Variants in ALPK2 observed in about 807,000 individuals in gnomAD.
The protein encoded by ALPK2 is alpha-protein kinase 2.
A neutral mutation model predicts 163.1 loss-of-function variants in ALPK2; 127 were observed. That is an observed-to-expected ratio of 0.78 (90% CI 0.67 to 0.90). The LOEUF is 0.90. ALPK2 is among the 40% of genes least tolerant of loss of function. The pLI is 0.00. For missense variants in ALPK2, 2,360 were observed against 2,589.6 expected, an observed-to-expected ratio of 0.91 and a Z score of 1.92; for synonymous variants, 953 against 959.1, an observed-to-expected ratio of 0.99 and a Z score of 0.12.
chr18:58,526,273 G>A (rs966602779), intron 6 of ALPK2, among the ~76,000 whole-genome samples: 25 of 152,302 alleles, frequency 1.6e-4, no homozygotes, highest in African/African-American at 6.0e-4. Context: ...TGGCTGCAGG[G>A]AGAGGGTACT....
At position 58,537,789 on chromosome 18, in the gene ALPK2, C is replaced by T. The variant is rs1256444108; in HGVS notation, c.2398G>A (p.Ala800Thr). 5 of 1,614,044 alleles carry T rather than the reference C, an allele frequency of 3.1e-6. No homozygotes were observed. The Admixed American group carries it at 6.7e-5, about 22-fold the overall frequency. The part of the protein sequence containing the change: ...NVCDEPRDRE[A>T]VCAMECFEAG... ...TCAAAACACTCCATTGCACACACTG[C>T]TTCTCTGTCCCTTGGCTCATCACAC... Residue 800 changes from alanine to threonine, a missense_variant, in exon 5 of 13, where the codon GCA (alanine) becomes ACA (threonine). Physicochemically the swap from Ala to Thr is moderately conservative, Grantham distance 58 (BLOSUM62 0). Coordinates refer to ENST00000361673, the MANE Select transcript of ALPK2 (RefSeq NM_052947.4).
chr18:58,517,243 TCCACATGG>T, intron 8 of ALPK2, 61 bp from the exon 9 acceptor site: 1 of 1,548,582 alleles, frequency 6.5e-7, no homozygotes, highest in South Asian at 1.2e-5. Context: ...CTTGGCTAAC[TCCACATGG>T]GGAGGGTCCC....
At chr18:58,533,065 G>T (rs1005173533) in intron 5 of ALPK2, among the ~76,000 whole-genome samples, 1 of 152,182 alleles carries the variant, frequency 6.6e-6, no homozygotes, top group Non-Finnish European at 1.5e-5. Flanking sequence ...TCTCTACCCC[G>T]TAGTCTCCGG....
chr18:58,554,293 G>A (rs1398985156), intron 4 of ALPK2, among the ~76,000 whole-genome samples: 1 of 152,094 alleles, frequency 6.6e-6, no homozygotes, highest in Admixed American at 6.5e-5. Context: ...GACAAAGGCA[G>A]TCTGCCCAGC....
At chr18:58,522,069 AAT>A (rs1354578091) in intron 8 of ALPK2, among the ~76,000 whole-genome samples, 1 of 152,196 alleles carries the variant, frequency 6.6e-6, no homozygotes, top group Non-Finnish European at 1.5e-5. Flanking sequence ...ACATGCAGTA[AAT>A]CTTTAAGATG....
intron 1 of ALPK2, among the ~76,000 whole-genome samples, chr18:58,623,198 G>A (rs1009540364): frequency 6.6e-6 from 1 of 151,998 alleles, no homozygotes; most frequent in Non-Finnish European, 1.5e-5. Flanking sequence ...TGTCTTAGGG[G>A]AACACTTTTC....
At chr18:58,486,592 ATC>A (rs1426770319) in intron 12 of ALPK2, among the ~76,000 whole-genome samples, 3 of 152,120 alleles carry the variant, frequency 2.0e-5, no homozygotes, top group Non-Finnish European at 4.4e-5. Flanking sequence ...ATTTCTGAAC[ATC>A]TCTTTCTCTA....
At chr18:58,492,033 C>G (rs1274372173) in intron 12 of ALPK2, among the ~76,000 whole-genome samples, 1 of 152,220 alleles carries the variant, frequency 6.6e-6, no homozygotes, top group African/African-American at 2.4e-5. Flanking sequence ...TTGACAAACT[C>G]TGAATCCTCA....
rs1602195795 is a variant in ALPK2 at position 58,515,091 on chromosome 18, C to G, written c.5941-10G>C. The G allele has an allele frequency of 6.2e-7, 1 of 1,602,434 alleles. No individual in the cohort carries two copies. The highest frequency in any genetic ancestry group is 2.2e-5 in the East Asian group (1 of 44,480). ...TTTGAACATAGCATTCCTATATCGC[C>G]AAAATACATAGAAAGCCCCAGTGAC... On this transcript the variant is annotated splice_polypyrimidine_tract_variant and intron_variant, in intron 9 of 12. Coordinates refer to ENST00000361673, the MANE Select transcript of ALPK2 (RefSeq NM_052947.4).
chr18:58,484,207 G>C (rs1317039133), intron 12 of ALPK2, among the ~76,000 whole-genome samples: 1 of 152,112 alleles, frequency 6.6e-6, no homozygotes, highest in Non-Finnish European at 1.5e-5. Flanking sequence ...GTGTTGACCT[G>C]TATCAGTGCT....
chr18:58,528,742 T>C (rs2144138034), intron 6 of ALPK2: 1 of 240,124 alleles, frequency 4.2e-6, no homozygotes, highest in African/African-American at 2.3e-5. Context: ...CAAGTTAAAT[T>C]CACAGACATA....
At chr18:58,482,986 G>T (rs981901696) in intron 12 of ALPK2, among the ~76,000 whole-genome samples, 1 of 152,124 alleles carries the variant, frequency 6.6e-6, no homozygotes, top group Non-Finnish European at 1.5e-5. Context: ...AGGTCTTCCT[G>T]CCAGCCACCA....
chr18:58,485,779 C>G (rs1047882424), intron 12 of ALPK2, among the ~76,000 whole-genome samples: 3 of 143,404 alleles, frequency 2.1e-5, no homozygotes, highest in Non-Finnish European at 4.7e-5. Context: ...TTAATCCCAC[C>G]TGCCACTGGG....
chr18:58,610,777 C>T (rs1049954688), intron 2 of ALPK2, among the ~76,000 whole-genome samples: 1 of 151,402 alleles, frequency 6.6e-6, no homozygotes, highest in African/African-American at 2.4e-5. Context: ...CCCCCCTCCC[C>T]CCGTCCCTAT....
At chr18:58,488,830 T>C (rs1479287608) in intron 12 of ALPK2, among the ~76,000 whole-genome samples, 1 of 151,966 alleles carries the variant, frequency 6.6e-6, no homozygotes, top group Non-Finnish European at 1.5e-5. Context: ...TAGGCTCCGG[T>C]AGAACGGATT....
chr18:58,619,694 A>T (rs1422278556), intron 1 of ALPK2, among the ~76,000 whole-genome samples: 1 of 152,200 alleles, frequency 6.6e-6, no homozygotes, highest in African/African-American at 2.4e-5. Flanking sequence ...TGTAAAATTG[A>T]GTACTGGCAG....
At chr18:58,619,205 C>A (rs1329471996) in intron 1 of ALPK2, among the ~76,000 whole-genome samples, 1 of 152,194 alleles carries the variant, frequency 6.6e-6, no homozygotes, top group Admixed American at 6.5e-5. Flanking sequence ...TGTGTGTCAG[C>A]CCCAAGGCTG....
intron 9 of ALPK2, among the ~76,000 whole-genome samples, chr18:58,516,141 G>T (rs192197976): frequency 1.3e-5 from 2 of 152,026 alleles, no homozygotes; most frequent in East Asian, 1.9e-4. Flanking sequence ...GTTGCTTAAG[G>T]CCAGGAGGCC....
chr18:58,611,083 ACT>A (rs1239573683), intron 2 of ALPK2, among the ~76,000 whole-genome samples: 2 of 146,630 alleles, frequency 1.4e-5, no homozygotes, highest in Non-Finnish European at 3.0e-5. Flanking sequence ...ACAGAGCAAG[ACT>A]CTGTCTCAAA....
Sources: allele counts gnomAD v4.1 joint callset (sites outside exome capture counted in the v4.1 genomes callset), GRCh38; gene constraint gnomAD v4.1.1; transcripts MANE v1.5; gene names NCBI Gene and HGNC (gene_info 2026-07-23, HGNC 2026-07-21).